MTUS2: variants seen among roughly 807,000 people sequenced by gnomAD.
MTUS2 encodes the protein microtubule associated scaffold protein 2.
A neutral mutation model predicts 114.1 loss-of-function variants in MTUS2; 40 were observed. That is an observed-to-expected ratio of 0.35 (90% CI 0.27 to 0.46). The LOEUF (loss-of-function observed/expected upper bound fraction) is 0.46, where lower values mean the gene tolerates loss of function less well. MTUS2 is among the 20% of genes least tolerant of loss of function. MTUS2 has a pLI of 1.00. For synonymous variants in MTUS2, 688 were observed against 672.0 expected, an observed-to-expected ratio of 1.02 and a Z score of -0.37; for missense variants, 1,679 against 1,705.4, an observed-to-expected ratio of 0.98 and a Z score of 0.27.
At chr13:29,116,305 A>G (rs1484349748) in intron 5 of MTUS2, among the ~76,000 whole-genome samples, 2 of 152,250 alleles carry the variant, frequency 1.3e-5, no homozygotes, top group Non-Finnish European at 2.9e-5. Flanking sequence ...AATTTAGATT[A>G]TGTGTGGTAG....
Position 29,480,167 on chromosome 13 carries a change from T to C in MTUS2, c.3202T>C (p.Cys1068Arg). The change falls in exon 10 of 16, where the codon TGC becomes CGC. Residue 1068 changes from cysteine to arginine, a missense_variant. Physicochemically the swap from Cys to Arg is radical, Grantham distance 180. Coordinates refer to ENST00000612955, the MANE Select transcript of MTUS2 (RefSeq NM_001033602.4). The surrounding 1 kb of genome is among the most constrained non-coding windows in gnomAD (Gnocchi z 4.4). ...GCGCCCAGCCTTCCATACAGCAAAG[T>C]GCGAGAAACTACAAAAGGAGAAGGA... The part of the protein sequence containing the change: ...RDEVAFHTAK[C>R]EKLQKEKEEL... The C allele has an allele frequency of 6.4e-7, 1 of 1,554,278 alleles. No individual in the cohort carries two copies. Among genetic ancestry groups the C allele is most frequent in the Admixed American group, 1.9e-5 (1 of 51,338 alleles).
intron 2 of MTUS2, among the ~76,000 whole-genome samples, chr13:28,842,362 G>GTGAGAATA (rs1373967273): frequency 6.6e-6 from 1 of 152,194 alleles, no homozygotes; most frequent in African/African-American, 2.4e-5. Context: ...ACCAAGGGGA[G>GTGAGAATA]TGAGAATATG....
At position 29,122,872 on chromosome 13, in the gene MTUS2, AAAATAGATCAT is replaced by A. The variant is rs1175586210; in HGVS notation, c.2644+21903_2644+21913del. ...TTCAATCCTTTTAAACTCTGTCAGA[AAAATAGATCAT>A]TCCAGGAGGGAATTTTTAAAATGTA... is the stretch of plus-strand genomic sequence containing the variant. On this transcript the variant is annotated intron_variant, in intron 5 of 15. Coordinates refer to ENST00000612955, the MANE Select transcript of MTUS2 (RefSeq NM_001033602.4). Among the ~76,000 whole-genome samples, 4 of 152,342 alleles carry A rather than the reference AAAATAGATCAT, an allele frequency of 2.6e-5. No individual in the cohort carries two copies. The East Asian group carries it at 7.7e-4, about 29-fold the overall frequency.
intron 7 of MTUS2, among the ~76,000 whole-genome samples, chr13:29,335,568 TG>T (rs1472213144): frequency 6.6e-6 from 1 of 152,184 alleles, no homozygotes; most frequent in African/African-American, 2.4e-5. Context: ...TTTTGCGGCT[TG>T]GGGGGCATCA....
At chr13:29,319,993 C>T (rs1015322006) in intron 6 of MTUS2, among the ~76,000 whole-genome samples, 25 of 152,178 alleles carry the variant, frequency 1.6e-4, no homozygotes, top group Admixed American at 4.6e-4. Flanking sequence ...AGCTGCAGTA[C>T]GCTGAATACT....
chr13:28,956,302 T>C lies in MTUS2; in HGVS notation c.-242-68155T>C, dbSNP rs188543136. 4.3e-3 allele frequency among the ~76,000 whole-genome samples: 650 copies of C among 152,090 alleles called. 6 individuals carry two copies. Among genetic ancestry groups the C allele is most frequent in the Non-Finnish European group, 7.0e-3 (477 of 67,960 alleles). On this transcript the variant is annotated intron_variant, in intron 2 of 15. Transcript: ENST00000612955. The stretch of plus-strand genomic sequence containing the variant: ...TTTCAGTCCCCACCCTCACCCTCAC[T>C]CCTATCCCCAGCACCGGGTAGGAGT...
chr13:28,989,030 T>C (rs908498976), intron 2 of MTUS2, among the ~76,000 whole-genome samples: 1 of 152,242 alleles, frequency 6.6e-6, no homozygotes, highest in Non-Finnish European at 1.5e-5. Flanking sequence ...CAATTGGTTT[T>C]GGACTAGCTT....
chr13:29,197,355 A>T (rs1467288311), intron 5 of MTUS2, among the ~76,000 whole-genome samples: 1 of 152,234 alleles, frequency 6.6e-6, no homozygotes, highest in Admixed American at 6.5e-5. Context: ...TTTGCTGAGA[A>T]TGATGGTTTC....
At chr13:29,428,821 C>T in intron 8 of MTUS2, 1 of 1,613,792 alleles carries the variant, frequency 6.2e-7, no homozygotes, top group Non-Finnish European at 8.5e-7. Context: ...AAGGAGGTCC[C>T]CTTGCCAGCC....
chr13:29,168,766 A>G (rs1034502574), intron 5 of MTUS2, among the ~76,000 whole-genome samples: 2 of 152,150 alleles, frequency 1.3e-5, no homozygotes, highest in African/African-American at 4.8e-5. Context: ...GTATTCCAGG[A>G]TCACTATGTA....
At chr13:29,016,635 T>C (rs1393537344) in intron 2 of MTUS2, among the ~76,000 whole-genome samples, 1 of 152,164 alleles carries the variant, frequency 6.6e-6, no homozygotes, top group East Asian at 1.9e-4. Context: ...TACCCTACTC[T>C]TCTTTACTAC....
chr13:28,890,094 G>C (rs534042366), intron 2 of MTUS2, among the ~76,000 whole-genome samples: 1 of 152,276 alleles, frequency 6.6e-6, no homozygotes, highest in South Asian at 2.1e-4. Context: ...TATTTTGGCA[G>C]TGTAGCTTCA....
chr13:29,357,707 T>G (rs1352573372), intron 7 of MTUS2, among the ~76,000 whole-genome samples: 5 of 152,236 alleles, frequency 3.3e-5, no homozygotes, highest in African/African-American at 1.2e-4. Flanking sequence ...TTCTGGAATA[T>G]TATGTATTCT....
At chr13:29,320,446 A>T (rs938159725) in intron 6 of MTUS2, among the ~76,000 whole-genome samples, 4 of 152,208 alleles carry the variant, frequency 2.6e-5, no homozygotes, top group African/African-American at 9.6e-5. Flanking sequence ...TGGTAATGGG[A>T]AAACTAAAAC....
chr13:29,489,262 G>T (rs547432582), intron 11 of MTUS2, among the ~76,000 whole-genome samples: 1 of 151,562 alleles, frequency 6.6e-6, no homozygotes, highest in Admixed American at 6.6e-5. Flanking sequence ...GCGAAACTCC[G>T]CCTCAAAAAA....
At chr13:29,172,357 C>A (rs11617962) in intron 5 of MTUS2, among the ~76,000 whole-genome samples, 23,157 of 152,094 alleles carry the variant, frequency 0.15, 1,926 homozygotes, top group East Asian at 0.3. Flanking sequence ...TCATGATTTT[C>A]GTTATTTGGG....
At chr13:29,440,163 T>C in intron 9 of MTUS2, 114 bp downstream of exon 9, 2 of 985,936 alleles carry the variant, frequency 2.0e-6, no homozygotes, top group Non-Finnish European at 3.1e-6. Context: ...CCTGCCTAGA[T>C]GAATGAAGTA....
intron 4 of MTUS2, among the ~76,000 whole-genome samples, chr13:29,075,047 CT>C (rs1183282718): frequency 6.6e-6 from 1 of 152,218 alleles, no homozygotes; most frequent in Non-Finnish European, 1.5e-5. Flanking sequence ...TACTAATCTA[CT>C]TTCTGTCTCT....
At chr13:28,843,601 A>G (rs959364949) in intron 2 of MTUS2, among the ~76,000 whole-genome samples, 2 of 152,208 alleles carry the variant, frequency 1.3e-5, no homozygotes, top group Non-Finnish European at 2.9e-5. Context: ...TAAATGTCAC[A>G]TGGGCAATTC....
Sources: allele counts gnomAD v4.1 joint callset (sites outside exome capture counted in the v4.1 genomes callset), GRCh38; gene constraint gnomAD v4.1.1; non-coding constraint Gnocchi (gnomAD v3.1); transcripts MANE v1.5; gene names NCBI Gene and HGNC (gene_info 2026-07-23, HGNC 2026-07-21).